Variants in SRRM4 observed in about 807,000 individuals in gnomAD.
SRRM4 encodes the protein serine/arginine repetitive matrix protein 4.
Under a neutral mutation model 68.9 loss-of-function variants are expected in SRRM4, and 33 were observed. The observed-to-expected ratio is 0.48, with a 90% CI of 0.36 to 0.64. The LOEUF is 0.64. Among genes scored for constraint, SRRM4 ranks in the 30% least tolerant of loss-of-function variants. The pLI is 0.00. For missense variants in SRRM4, 817 were observed against 827.1 expected (o/e 0.99, Z 0.15); for synonymous variants, 318 against 318.8 (o/e 1.00, Z 0.03).
rs778799199 is a variant in SRRM4 at position 119,116,997 on chromosome 12, C to T, written c.426C>T (p.His142=). 2 of 1,613,432 alleles carry T rather than the reference C, an allele frequency of 1.2e-6. No homozygotes were observed. Among genetic ancestry groups the T allele is most frequent in the South Asian group, 2.2e-5 (2 of 91,046 alleles). Reference sequence around the variant, plus strand: ...AGAAGAAGAAAAGTTCCAAGAAACACAAGCGACGCAGGTATTGTCCTTTTT... The same window carrying T: ...AGAAGAAGAAAAGTTCCAAGAAACATAAGCGACGCAGGTATTGTCCTTTTT... ...KKKKKKSSKK[H]KRRRSFSKKR... is the part of the protein sequence containing the mutation. The change falls in exon 4 of 13, where the codon CAC becomes CAT. Residue 142 remains histidine (H), a synonymous_variant. Transcript: ENST00000267260.
chr12:119,054,013 G>A (rs373792453), intron 1 of SRRM4, among the ~76,000 whole-genome samples: 29 of 152,036 alleles, frequency 1.9e-4, no homozygotes, highest in Non-Finnish European at 2.9e-4. Context: ...TAAACCATCC[G>A]CACCTCCCCG....
intron 1 of SRRM4, among the ~76,000 whole-genome samples, chr12:119,091,173 C>T (rs1302976432): frequency 6.6e-6 from 1 of 152,202 alleles, no homozygotes; most frequent in African/African-American, 2.4e-5. Context: ...TCTCAGAAGC[C>T]CCCTGTCTGC....
rs556959035 is a variant in SRRM4 at position 119,119,106 on chromosome 12, A to G, written c.438-1144A>G. Among the ~76,000 whole-genome samples the G allele has an allele frequency of 2.7e-5, 4 of 150,510 alleles. No individual in the cohort carries two copies. In the South Asian group the frequency reaches 8.4e-4, roughly 32 times the overall value. ...TAGCAAGGCTTCTGAGTTTTTAAAA[A>G]TTTTTCATTTTTCTAGCTAATGCAT... On this transcript the variant is annotated intron_variant, in intron 4 of 12. Coordinates refer to ENST00000267260, the MANE Select transcript of SRRM4 (RefSeq NM_194286.4).
intron 1 of SRRM4, among the ~76,000 whole-genome samples, chr12:119,085,198 G>C (rs769893739): frequency 6.6e-6 from 1 of 152,192 alleles, no homozygotes; most frequent in Non-Finnish European, 1.5e-5. Flanking sequence ...CACTGAGGCT[G>C]GCCAATGCCA....
chr12:119,104,891 A>T (rs1565909009), intron 2 of SRRM4, among the ~76,000 whole-genome samples: 3 of 151,532 alleles, frequency 2.0e-5, no homozygotes. Flanking sequence ...ACATATGTAT[A>T]CATGTGCCAT....
chr12:119,024,383 A>C (rs180881909), intron 1 of SRRM4, among the ~76,000 whole-genome samples: 302 of 152,284 alleles, frequency 2.0e-3, no homozygotes, highest in South Asian at 0.014. Context: ...GTGTTGTTGA[A>C]TTCTAGCTGA....
chr12:119,113,499 T>C (rs1236598749), intron 2 of SRRM4, among the ~76,000 whole-genome samples: 5 of 152,228 alleles, frequency 3.3e-5, no homozygotes, highest in African/African-American at 1.2e-4. Flanking sequence ...ACTTGGCACA[T>C]AACAAGCGCA....
At chr12:119,143,811 G>T (rs1305695994) in intron 8 of SRRM4, among the ~76,000 whole-genome samples, 1 of 152,142 alleles carries the variant, frequency 6.6e-6, no homozygotes, top group African/African-American at 2.4e-5. Flanking sequence ...TGGGATCTCA[G>T]GTACCCAGAG....
intron 1 of SRRM4, among the ~76,000 whole-genome samples, chr12:119,073,119 G>A (rs1051742171): frequency 6.6e-6 from 1 of 152,086 alleles, no homozygotes; most frequent in Non-Finnish European, 1.5e-5. Context: ...ACGCTCTAAG[G>A]AAATAATTGA....
At chr12:119,084,667 G>A (rs1183145794) in intron 1 of SRRM4, among the ~76,000 whole-genome samples, 1 of 152,078 alleles carries the variant, frequency 6.6e-6, no homozygotes, top group Non-Finnish European at 1.5e-5. Context: ...AGGTGCTGAG[G>A]ATAAAATGGA....
chr12:118,995,456 G>A (rs1953343144), intron 1 of SRRM4, among the ~76,000 whole-genome samples: 1 of 152,226 alleles, frequency 6.6e-6, no homozygotes, highest in Admixed American at 6.5e-5. Context: ...CTTCCAATAT[G>A]TGGCTCCATT....
At chr12:118,985,151 G>A (rs1040376293) in intron 1 of SRRM4, among the ~76,000 whole-genome samples, 1 of 152,024 alleles carries the variant, frequency 6.6e-6, no homozygotes, top group Admixed American at 6.5e-5. Flanking sequence ...ATTTTTATTG[G>A]GATTTCAACT....
chr12:119,088,186 G>A (rs1953991182), intron 1 of SRRM4, among the ~76,000 whole-genome samples: 1 of 152,074 alleles, frequency 6.6e-6, no homozygotes, highest in Non-Finnish European at 1.5e-5. Context: ...CTACTGTGCT[G>A]CCCCACAATA....
intron 1 of SRRM4, among the ~76,000 whole-genome samples, chr12:119,041,513 G>T (rs79063527): frequency 0.069 from 10,476 of 152,158 alleles, 419 homozygotes; most frequent in East Asian, 0.17. Flanking sequence ...AGAATAACAC[G>T]ATGAACCCTA....
At chr12:119,120,093 G>A (rs553828983) in intron 4 of SRRM4, among the ~76,000 whole-genome samples, 157 bp from the exon 5 acceptor site, 4 of 149,730 alleles carry the variant, frequency 2.7e-5, no homozygotes, top group Non-Finnish European at 4.4e-5. Flanking sequence ...CTATATTTAC[G>A]TTTTCCCCTC....
At chr12:119,041,028 G>A (rs182760890) in intron 1 of SRRM4, among the ~76,000 whole-genome samples, 1 of 152,060 alleles carries the variant, frequency 6.6e-6, no homozygotes, top group African/African-American at 2.4e-5. Flanking sequence ...AGGATTACAG[G>A]CATGAGTCAC....
At chr12:119,015,617 T>C (rs1953476276) in intron 1 of SRRM4, among the ~76,000 whole-genome samples, 1 of 152,166 alleles carries the variant, frequency 6.6e-6, no homozygotes, top group South Asian at 2.1e-4. Context: ...AGAACTACCC[T>C]GTTATTTTTT....
Position 119,159,103 on chromosome 12 carries a change from A to T in SRRM4, c.*2305A>T, listed in dbSNP as rs575016034. ...GATGGGATTTGAGAGGCCAAAGGTG[A>T]GTGGGCTATTGGCCTTCTCCCTGAA... On this transcript the variant is annotated 3_prime_UTR_variant, in exon 13 of 13. Transcript: ENST00000267260. 52 of 150,250 alleles carry T rather than the reference A, an allele frequency of 3.5e-4. No individual in the cohort carries two copies. The highest frequency in any genetic ancestry group is 1.3e-3 in the African/African-American group (51 of 40,728). The allele number at this position is 150,250 out of a possible 1,614,324, so 9.3% of individuals were successfully genotyped here. A position where few individuals can be genotyped will look rare whatever the true frequency, so the allele number is the denominator to read the frequency against.
chr12:119,151,249 A>G, intron 10 of SRRM4, 29 bp downstream of exon 10: 1 of 1,588,956 alleles, frequency 6.3e-7, no homozygotes, highest in Non-Finnish European at 8.6e-7. Context: ...TTTGCTCTGC[A>G]GCACCTTTCT....
Sources: allele counts gnomAD v4.1 joint callset (sites outside exome capture counted in the v4.1 genomes callset), GRCh38; gene constraint gnomAD v4.1.1; transcripts MANE v1.5; gene names NCBI Gene and HGNC (gene_info 2026-07-23, HGNC 2026-07-21).